The following HTN3 variants were observed in gnomAD, a reference collection of about 807,000 sequenced individuals.
The protein encoded by HTN3 is histatin-3.
A neutral mutation model predicts 10.6 loss-of-function variants in HTN3; 15 were observed. That is an observed-to-expected ratio of 1.42 (90% confidence interval 0.95 to 2.18). HTN3 has a LOEUF of 2.18. Ranked by LOEUF, HTN3 falls within the 30% of genes most tolerant of loss-of-function variation. HTN3 has a pLI of 0.00. For synonymous variants in HTN3, 15 were observed against 16.9 expected (o/e 0.89, Z 0.27); for missense variants, 68 against 58.0 (o/e 1.17, Z -0.56).
At chr4:70,032,294 C>CA (rs1375068545) in intron 4 of HTN3, among the ~76,000 whole-genome samples, 187 bp downstream of exon 4, 2 of 152,114 alleles carry the variant, frequency 1.3e-5, no homozygotes, top group East Asian at 3.9e-4. Flanking sequence ...AACAGCATTT[C>CA]AACGGAAACT....
chr4:70,028,624 T>C (rs1472191623), intron 1 of HTN3, 108 bp downstream of exon 1: 2 of 152,158 alleles, frequency 1.3e-5, no homozygotes, highest in Non-Finnish European at 2.9e-5. Flanking sequence ...GATAATTTCT[T>C]ATAAAGAAAT....
intron 5 of HTN3, among the ~76,000 whole-genome samples, chr4:70,035,085 C>T (rs190259067): frequency 6.6e-6 from 1 of 152,234 alleles, no homozygotes; most frequent in East Asian, 1.9e-4. Context: ...ATCAATAGTG[C>T]AGCAAACCAC....
chr4:70,028,902 T>C (rs1174477539), intron 1 of HTN3, among the ~76,000 whole-genome samples: 2 of 152,102 alleles, frequency 1.3e-5, no homozygotes, highest in African/African-American at 2.4e-5. Flanking sequence ...ATTATAAAAA[T>C]TTATTTTTTA....
rs922638199 is a variant in HTN3 at position 70,036,390 on chromosome 4, G to A, written c.*157G>A. 1 of 152,144 alleles carries A rather than the reference G, an allele frequency of 6.6e-6. No individual in the cohort carries two copies. Among genetic ancestry groups the A allele is most frequent in the African/African-American group, 2.4e-5 (1 of 41,442 alleles). 9.4% of individuals were successfully genotyped at this position (152,144 alleles called of 1,614,324 possible). On this transcript the variant is annotated 3_prime_UTR_variant, in exon 6 of 6. Coordinates refer to ENST00000673563, the MANE Select transcript of HTN3 (RefSeq NM_000200.3). ...AATAAAAGAAATACCATGATTTAGT[G>A]AATTCTGTGTTTCAGGATACTTCCC...
chr4:70,032,671 A>G (rs545348261), intron 4 of HTN3, among the ~76,000 whole-genome samples: 1 of 152,218 alleles, frequency 6.6e-6, no homozygotes, highest in South Asian at 2.1e-4. Context: ...GTGTTAAAAA[A>G]GCACTAAGTA....
Position 70,030,774 on chromosome 4 carries a change from C to A in HTN3, c.34C>A (p.Leu12Ile). ...TTTTGTTTTTGCTTTAATCTTGGCT[C>A]TCATGCTTTCCATGACTGTAAGTAT... ...KFFVFALILA[L>I]MLSMTGADSH... Residue 12 changes from leucine (L) to isoleucine (I), a missense_variant, in exon 2 of 6, where the codon CTC becomes ATC. Physicochemically the swap from Leu to Ile is conservative, Grantham distance 5. Coordinates refer to ENST00000673563, the MANE Select transcript of HTN3 (RefSeq NM_000200.3). The A allele has an allele frequency of 2.5e-6, 4 of 1,612,330 alleles. No individual in the cohort carries two copies. The highest frequency in any genetic ancestry group is 2.5e-6 in the Non-Finnish European group (3 of 1,178,612).
At chr4:70,030,694 T>A (rs1344530025) in intron 1 of HTN3, 34 bp from the exon 2 acceptor site, 9 of 1,355,554 alleles carry the variant, frequency 6.6e-6, no homozygotes, top group Non-Finnish European at 9.5e-6. Flanking sequence ...CATGAAAGAA[T>A]GTGATTACTG....
At chr4:70,030,871 T>C in intron 2 of HTN3, 80 bp downstream of exon 2, 3 of 1,082,376 alleles carry the variant, frequency 2.8e-6, no homozygotes, top group Non-Finnish European at 4.2e-6. Flanking sequence ...CGTTCTGCCA[T>C]ATATTCATGT....
At chr4:70,034,690 C>T (rs112754722) in intron 5 of HTN3, among the ~76,000 whole-genome samples, 2,222 of 152,204 alleles carry the variant, frequency 0.015, 29 homozygotes, top group East Asian at 0.034. Flanking sequence ...CTAGCAATCC[C>T]GTTACTGGGT....
At chr4:70,030,621 A>G (rs566261963) in intron 1 of HTN3, 107 bp from the exon 2 acceptor site, 98 of 795,816 alleles carry the variant, frequency 1.2e-4, no homozygotes, top group Non-Finnish European at 1.7e-5. Flanking sequence ...AGCCTGGAAA[A>G]CAGAGCATGT....
chr4:70,028,588 C>T (rs1560425332), intron 1 of HTN3, 72 bp downstream of exon 1: 1 of 151,946 alleles, frequency 6.6e-6, no homozygotes, highest in Non-Finnish European at 1.5e-5. Context: ...AATAGTAACC[C>T]ACTTATGAAA....
chr4:70,032,083 T>A lies in HTN3; in HGVS notation c.78T>A (p.His26Gln), dbSNP rs1354968245. 1.9e-6 allele frequency: 3 copies of A among 1,539,224 alleles called. No individual in the cohort carries two copies. Among genetic ancestry groups the A allele is most frequent in the East Asian group, 2.3e-5 (1 of 44,158 alleles). ...CTTTTCTTTTTATTTCATAGAGACA[T>A]CATGGGTATAAAAGAAAATTCCATG... ...MTGADSHAKR[H>Q]HGYKRKFHEK... The change falls in exon 4 of 6, where the codon CAT becomes CAA. Residue 26 changes from histidine to glutamine, a missense_variant. His to Gln is a conservative substitution (Grantham distance 24, BLOSUM62 0). Transcript: ENST00000673563.
In HTN3 at chr4:70,029,551, T is replaced by A. The variant is rs1172626499; in HGVS notation, c.-14+1035T>A. ...GGTAAGAGAGATTAGAAAAATTTTT[T>A]AAAATATTATCTATTAATGAATTAC... On this transcript the variant is annotated intron_variant, in intron 1 of 5. Coordinates refer to ENST00000673563, the MANE Select transcript of HTN3 (RefSeq NM_000200.3). 3.9e-5 allele frequency among the ~76,000 whole-genome samples: 6 copies of A among 152,190 alleles called. No individual in the cohort carries two copies. In the East Asian group the frequency reaches 9.6e-4, roughly 24 times the overall value.
chr4:70,033,550 C>T (rs1725438449), intron 5 of HTN3: 1 of 199,668 alleles, frequency 5.0e-6, no homozygotes, highest in South Asian at 1.2e-4. Flanking sequence ...AGTGTGATGC[C>T]TTCAGCTTTG....
intron 1 of HTN3, among the ~76,000 whole-genome samples, chr4:70,030,441 T>C (rs34557252): frequency 0.05 from 7,609 of 152,164 alleles, 272 homozygotes; most frequent in South Asian, 0.099. Context: ...GTCTGGGCAA[T>C]ATAGTGAGAC....
At chr4:70,029,878 T>G (rs1223802342) in intron 1 of HTN3, among the ~76,000 whole-genome samples, 4 of 152,172 alleles carry the variant, frequency 2.6e-5, no homozygotes, top group African/African-American at 4.8e-5. Context: ...TTTATTTTTC[T>G]CTAACCAATA....
At chr4:70,035,870 A>T (rs935957246) in intron 5 of HTN3, among the ~76,000 whole-genome samples, 2 of 152,142 alleles carry the variant, frequency 1.3e-5, no homozygotes, top group African/African-American at 4.8e-5. Flanking sequence ...GCTCTTCGTG[A>T]TATTAGAAAA....
intron 1 of HTN3, among the ~76,000 whole-genome samples, chr4:70,029,089 T>C (rs1725313189): frequency 6.6e-6 from 1 of 152,062 alleles, no homozygotes; most frequent in Admixed American, 6.5e-5. Context: ...AGACAGTTTA[T>C]TATTCCAAAT....
intron 1 of HTN3, among the ~76,000 whole-genome samples, chr4:70,030,498 G>A (rs1353957870): frequency 2.6e-5 from 4 of 152,112 alleles, no homozygotes; most frequent in East Asian, 3.9e-4. Context: ...TTGTCATGGT[G>A]TCACACACTT....
Sources: gnomAD v4.1 joint callset for allele counts (sites outside exome capture counted in the v4.1 genomes callset) on GRCh38, gnomAD v4.1.1 for gene constraint, MANE v1.5 for transcripts, NCBI Gene and HGNC (gene_info 2026-07-23, HGNC 2026-07-21) for gene names.